The following NUP62CL variants were observed in gnomAD, a reference collection of about 807,000 sequenced individuals.
The protein encoded by NUP62CL is nucleoporin-62 C-terminal-like protein.
A neutral mutation model predicts 15.3 loss-of-function variants in NUP62CL; 13 were observed. That is an observed-to-expected ratio of 0.85 (90% CI 0.55 to 1.35). The LOEUF (loss-of-function observed/expected upper bound fraction) is 1.35, where lower values mean the gene tolerates loss of function less well. Among genes scored for constraint, NUP62CL ranks in the 40% most tolerant of loss-of-function variants. The pLI, the probability that NUP62CL is intolerant of heterozygous loss-of-function variation, is 0.00. For missense variants in NUP62CL, 123 were observed against 130.6 expected, an observed-to-expected ratio of 0.94 and a Z score of 0.28; for synonymous variants, 54 against 49.2, an observed-to-expected ratio of 1.10 and a Z score of -0.41.
intron 8 of NUP62CL, among the ~76,000 whole-genome samples, chrX:107,130,239 C>A (rs1925483652): frequency 9.0e-6 from 1 of 111,611 alleles, no homozygotes; most frequent in Admixed American, 9.5e-5. Flanking sequence ...TCTGATATTT[C>A]AGTATTTTGA....
chrX:107,146,086 G>A (rs12843882), intron 8 of NUP62CL, among the ~76,000 whole-genome samples: 1 of 111,662 alleles, frequency 9.0e-6, no homozygotes, highest in African/African-American at 3.2e-5. Flanking sequence ...CAGATCAAGA[G>A]GCACATAAAG....
chrX:107,162,470 C>G (rs1375181380), intron 4 of NUP62CL, among the ~76,000 whole-genome samples: 1 of 111,015 alleles, frequency 9.0e-6, no homozygotes, highest in Non-Finnish European at 1.9e-5. Flanking sequence ...AAAAAAAAAT[C>G]TTGAAAGCAA....
At chrX:107,152,885 T>G (rs768657729) in intron 7 of NUP62CL, among the ~76,000 whole-genome samples, 3 of 112,143 alleles carry the variant, frequency 2.7e-5, no homozygotes, top group African/African-American at 9.7e-5. Context: ...AGAACAAATT[T>G]GACAAATACA....
chrX:107,159,857 G>A (rs1313902967), intron 4 of NUP62CL, among the ~76,000 whole-genome samples: 1 of 97,675 alleles, frequency 1.0e-5, no homozygotes, highest in East Asian at 3.3e-4. Flanking sequence ...GTTTGCAGAC[G>A]ACATGATTGT....
chrX:107,188,929 A>G (rs1927140686), intron 2 of NUP62CL, among the ~76,000 whole-genome samples: 1 of 111,911 alleles, frequency 8.9e-6, no homozygotes, highest in African/African-American at 3.2e-5. Flanking sequence ...GTAAAATTAT[A>G]TTATCCACTG....
intron 7 of NUP62CL, among the ~76,000 whole-genome samples, chrX:107,150,619 T>G (rs1411973990): frequency 8.9e-6 from 1 of 112,330 alleles, no homozygotes; most frequent in Non-Finnish European, 1.9e-5. Context: ...CACCTCAGCC[T>G]CCAGAGTAGG....
At position 107,175,121 on chromosome X, in the gene NUP62CL, G is replaced by T. The variant is rs972928273; in HGVS notation, c.26C>A (p.Ser9Tyr). The change falls in exon 3 of 9, where the codon TCT (serine) becomes TAT (tyrosine). Residue 9 changes from serine to tyrosine, a missense_variant. By Grantham distance (144) the Ser-to-Tyr change is moderately radical. Coordinates refer to ENST00000372466, the MANE Select transcript of NUP62CL (RefSeq NM_017681.3). ...CCCAATAGCAGCAGTGGAGGTCAAAGAATTTGATATTGAGGTAAACTGCAT... is the reference window on the plus strand; with the variant it reads ...CCCAATAGCAGCAGTGGAGGTCAAATAATTTGATATTGAGGTAAACTGCAT... MQFTSISN[S>Y]LTSTAAIGLS... The T allele has an allele frequency of 1.7e-5, 20 of 1,206,384 alleles. No homozygotes were observed. The highest frequency in any genetic ancestry group is 2.1e-5 in the Non-Finnish European group (19 of 892,635).
intron 1 of NUP62CL, among the ~76,000 whole-genome samples, chrX:107,194,511 G>T (rs986192393): frequency 9.0e-6 from 1 of 111,198 alleles, no homozygotes; most frequent in Non-Finnish European, 1.9e-5. Context: ...AAAATGAGAT[G>T]ACTAAAAATT....
chrX:107,138,214 G>GA (rs1925686123), intron 8 of NUP62CL, among the ~76,000 whole-genome samples: 1 of 111,402 alleles, frequency 9.0e-6, no homozygotes, highest in African/African-American at 3.3e-5. Context: ...AAAACTTGTA[G>GA]AAAAAAGATA....
At chrX:107,164,730 A>G (rs1926467213) in intron 4 of NUP62CL, among the ~76,000 whole-genome samples, 1 of 112,700 alleles carries the variant, frequency 8.9e-6, no homozygotes. Context: ...TACATTCATC[A>G]AAGATGAACT....
In NUP62CL at chrX:107,154,139, T is replaced by C; in HGVS notation, c.302A>G (p.Gln101Arg). The change falls in exon 5 of 9, where the codon CAG becomes CGG. Residue 101 changes from glutamine to arginine, a missense_variant. By Grantham distance (43) the Gln-to-Arg change is conservative (BLOSUM62 1). Coordinates refer to ENST00000372466, the MANE Select transcript of NUP62CL (RefSeq NM_017681.3). ...CAATGTATGGTCCCAAGCATTGACCTGAGTGGCCTGGAGAAGAAAGTACTT... is the reference window on the plus strand; with the variant it reads ...CAATGTATGGTCCCAAGCATTGACCCGAGTGGCCTGGAGAAGAAAGTACTT... ...QEKYFLLQAT[Q>R]VNAWDHTLIE... is the part of the protein sequence containing the mutation. 8.3e-7 allele frequency: 1 copy of C among 1,208,517 alleles called. No homozygotes were observed. The highest frequency in any genetic ancestry group is 1.8e-5 in the South Asian group (1 of 56,562).
intron 8 of NUP62CL, among the ~76,000 whole-genome samples, chrX:107,130,623 G>A (rs1487808880): frequency 1.8e-5 from 2 of 111,552 alleles, no homozygotes; most frequent in Non-Finnish European, 3.8e-5. Flanking sequence ...GACCATAGCC[G>A]AGCAGCAGAT....
intron 4 of NUP62CL, among the ~76,000 whole-genome samples, chrX:107,161,831 G>GTGA (rs1926391168): frequency 1.1e-5 from 1 of 91,119 alleles, no homozygotes; most frequent in African/African-American, 4.1e-5. Flanking sequence ...TAAAAAAAAT[G>GTGA]AAAAAAAAAT....
intron 1 of NUP62CL, among the ~76,000 whole-genome samples, chrX:107,200,692 T>C (rs1927462880): frequency 1.9e-5 from 2 of 105,941 alleles, no homozygotes; most frequent in African/African-American, 6.9e-5. Context: ...TGGCAGAGTG[T>C]ATGTGTGGGC....
At chrX:107,190,955 T>C (rs1927222402) in intron 2 of NUP62CL, among the ~76,000 whole-genome samples, 1 of 107,836 alleles carries the variant, frequency 9.3e-6, no homozygotes, top group African/African-American at 3.4e-5. Context: ...GTATTGCTAG[T>C]TGCAGCATTA....
rs139066360 is a variant in NUP62CL, at chrX:107,131,535, A to G, written c.*43-7203T>C. On this transcript the variant is annotated intron_variant, in intron 8 of 8. Transcript: ENST00000372466. ...TGGCGATAACAACTAGGGTTTTTAAATTGCTGATTATCAGAAATGCCTTAA... is the reference window on the plus strand; with the variant it reads ...TGGCGATAACAACTAGGGTTTTTAAGTTGCTGATTATCAGAAATGCCTTAA... 1,101 of 348,132 alleles carry G rather than the reference A, an allele frequency of 3.2e-3. 13 individuals carry two copies. The highest frequency in any genetic ancestry group is 0.026 in the African/African-American group (981 of 38,347). The allele number at this position is 348,132 out of a possible 1,213,427, so 28.7% of individuals were successfully genotyped here.
At chrX:107,155,931 C>T (rs780464623) in intron 4 of NUP62CL, among the ~76,000 whole-genome samples, 31 of 112,246 alleles carry the variant, frequency 2.8e-4, no homozygotes, top group East Asian at 2.8e-4. Context: ...GCGCACCGTG[C>T]GCAAGCCAAA....
intron 2 of NUP62CL, among the ~76,000 whole-genome samples, chrX:107,189,607 C>T (rs995340522): frequency 2.7e-5 from 2 of 74,895 alleles, no homozygotes; most frequent in Non-Finnish European, 4.5e-5. Flanking sequence ...GAAACCCCGT[C>T]CCTACAAATA....
chrX:107,151,450 CAA>C (rs1926007764), intron 7 of NUP62CL, among the ~76,000 whole-genome samples: 1 of 109,710 alleles, frequency 9.1e-6, no homozygotes, highest in African/African-American at 3.3e-5. Flanking sequence ...TCACAATAAT[CAA>C]AGATAGACAA....
Sources: allele counts gnomAD v4.1 joint callset (sites outside exome capture counted in the v4.1 genomes callset), GRCh38; gene constraint gnomAD v4.1.1; transcripts MANE v1.5; gene names NCBI Gene and HGNC (gene_info 2026-07-23, HGNC 2026-07-21).